The following RHPN2 variants were observed in gnomAD, a reference collection of about 807,000 sequenced individuals.
The protein encoded by RHPN2 is rhophilin Rho GTPase binding protein 2, also known as rhophilin-2.
Under a neutral mutation model 79.0 loss-of-function variants are expected in RHPN2, and 40 were observed. That is an observed-to-expected ratio of 0.51 (90% confidence interval 0.39 to 0.66). The LOEUF is 0.66. RHPN2 is among the 30% of genes least tolerant of loss of function. RHPN2 has a pLI of 0.00. For synonymous variants in RHPN2, 285 were observed against 363.5 expected, an observed-to-expected ratio of 0.78 and a Z score of 2.46; for missense variants, 686 against 883.5, an observed-to-expected ratio of 0.78 and a Z score of 2.83.
At position 33,059,302 on chromosome 19, in the gene RHPN2, A is replaced by T. The variant is rs1433920405; in HGVS notation, c.69+5482T>A. On this transcript the variant is annotated intron_variant, in intron 1 of 14. Transcript: ENST00000254260. ...TTCACTTTTGTTTTTTTCTTTTATC[A>T]TTTTTTTTTTTTTTGAGACGGAGTC... 1.4e-3 allele frequency among the ~76,000 whole-genome samples: 190 copies of T among 136,872 alleles called. 1 individual carries two copies. The highest frequency in any genetic ancestry group is 4.6e-3 in the African/African-American group (170 of 36,960). 89.8% of individuals were successfully genotyped at this position (136,872 alleles called of 152,430 possible).
chr19:33,038,492 G>A (rs1464071015), intron 2 of RHPN2, among the ~76,000 whole-genome samples: 3 of 152,024 alleles, frequency 2.0e-5, no homozygotes, highest in East Asian at 3.9e-4. Context: ...TATTATTTAT[G>A]TATTTATTTA....
chr19:33,016,186 T>C (rs1413779685), intron 4 of RHPN2, among the ~76,000 whole-genome samples: 6 of 152,124 alleles, frequency 3.9e-5, no homozygotes, highest in Non-Finnish European at 8.8e-5. Flanking sequence ...ACAGATGTTA[T>C]TTCATTTTCT....
At chr19:33,058,867 T>G (rs1972255839) in intron 1 of RHPN2, among the ~76,000 whole-genome samples, 1 of 151,946 alleles carries the variant, frequency 6.6e-6, no homozygotes, top group East Asian at 1.9e-4. Context: ...GAGGCCAAGG[T>G]GGGTGGATCA....
chr19:32,982,664 G>A (rs567224308), intron 14 of RHPN2, among the ~76,000 whole-genome samples: 8 of 151,998 alleles, frequency 5.3e-5, no homozygotes, highest in Admixed American at 1.3e-4. Flanking sequence ...AAAGTCCATT[G>A]TGTATCAAAA....
chr19:33,008,516 T>G (rs1971811967), intron 6 of RHPN2, among the ~76,000 whole-genome samples: 1 of 151,964 alleles, frequency 6.6e-6, no homozygotes, highest in Non-Finnish European at 1.5e-5. Flanking sequence ...ACGCCTGTAA[T>G]GCCAGCACTT....
At position 33,010,946 on chromosome 19, in the gene RHPN2, G is replaced by A. The variant is rs141206509; in HGVS notation, c.593+733C>T. ...GATCTGCCTGCCTCGGCCTCCCAAA[G>A]TGTTGGCATTACAGGTGTGAGCCAC... On this transcript the variant is annotated intron_variant, in intron 6 of 14. Coordinates refer to ENST00000254260, the MANE Select transcript of RHPN2 (RefSeq NM_033103.5). Among the ~76,000 whole-genome samples, 18 of 152,284 alleles carry A rather than the reference G, an allele frequency of 1.2e-4. No homozygotes were observed. The East Asian group carries it at 3.5e-3, about 29-fold the overall frequency.
At chr19:32,998,661 AAAAGGAAAGAGG>A (rs1971722532) in intron 10 of RHPN2, among the ~76,000 whole-genome samples, 1 of 149,660 alleles carries the variant, frequency 6.7e-6, no homozygotes, top group Admixed American at 6.8e-5. Context: ...CAAATGAAAG[AAAAGGAAAGAGG>A]AAAGGAGGGA....
chr19:33,016,208 GA>G (rs1971876209), intron 4 of RHPN2, among the ~76,000 whole-genome samples: 1 of 151,382 alleles, frequency 6.6e-6, no homozygotes, highest in African/African-American at 2.4e-5. Context: ...TCATTGATTC[GA>G]AATTTTTTTT....
chr19:33,033,754 C>G (rs200035565), intron 2 of RHPN2, among the ~76,000 whole-genome samples: 1 of 98,174 alleles, frequency 1.0e-5, no homozygotes, highest in Non-Finnish European at 1.9e-5. Flanking sequence ...TGTAATCCCA[C>G]TACTTGGAAG....
At chr19:33,016,855 C>A (rs536319000) in intron 4 of RHPN2, among the ~76,000 whole-genome samples, 1 of 152,178 alleles carries the variant, frequency 6.6e-6, no homozygotes, top group Admixed American at 6.6e-5. Flanking sequence ...GGAAAAAATA[C>A]AACAGAAAGT....
intron 9 of RHPN2, among the ~76,000 whole-genome samples, chr19:33,000,381 C>T (rs888368419): frequency 2.5e-4 from 38 of 151,878 alleles, no homozygotes; most frequent in African/African-American, 8.7e-4. Flanking sequence ...CCACCATGCC[C>T]GGCTAATTTT....
At chr19:33,011,641 TAA>T in intron 6 of RHPN2, 36 bp downstream of exon 6, 1 of 1,613,688 alleles carries the variant, frequency 6.2e-7, no homozygotes, top group Non-Finnish European at 8.5e-7. Context: ...GTGGCTGCCA[TAA>T]CACGTGAAGC....
intron 7 of RHPN2, among the ~76,000 whole-genome samples, chr19:33,004,519 T>G (rs983388868): frequency 6.6e-6 from 1 of 152,056 alleles, no homozygotes; most frequent in African/African-American, 2.4e-5. Flanking sequence ...AATGGTAATT[T>G]TATGTTCTGT....
intron 14 of RHPN2, among the ~76,000 whole-genome samples, chr19:32,989,036 G>T (rs1971632943): frequency 2.0e-5 from 3 of 152,082 alleles, no homozygotes; most frequent in Non-Finnish European, 1.5e-5. Flanking sequence ...GAAGGTCGAG[G>T]GTACATCATT....
At chr19:33,064,687 T>C (rs1972312154) in intron 1 of RHPN2, 97 bp downstream of exon 1, 3 of 1,314,302 alleles carry the variant, frequency 2.3e-6, no homozygotes, top group Non-Finnish European at 3.1e-6. Context: ...CCCGGCCTAG[T>C]GGACCCCGAC....
rs967152570 is a variant in RHPN2, at chr19:33,064,876, C to T, written c.-24G>A. The T allele has an allele frequency of 2.0e-5, 30 of 1,476,510 alleles. No individual in the cohort carries two copies. The highest frequency in any genetic ancestry group is 2.5e-5 in the Non-Finnish European group (28 of 1,117,990). The allele number at this position is 1,476,510 out of a possible 1,614,324, so 91.5% of individuals were successfully genotyped here. On this transcript the variant is annotated 5_prime_UTR_variant, in exon 1 of 15. Transcript: ENST00000254260. ...ATGCTAGCGGCGCGGGCGCGGAGGG[C>T]GGACGGCGGACTGAGGCGCGGCGGC... is the stretch of plus-strand genomic sequence containing the variant.
intron 1 of RHPN2, among the ~76,000 whole-genome samples, chr19:33,055,724 C>T (rs1403380449): frequency 1.7e-5 from 2 of 119,580 alleles, no homozygotes; most frequent in African/African-American, 8.9e-5. Flanking sequence ...CTGCAAGGAG[C>T]TTCTGGGTTA....
intron 14 of RHPN2, among the ~76,000 whole-genome samples, chr19:32,981,966 C>T (rs1971578729): frequency 6.6e-6 from 1 of 152,188 alleles, no homozygotes; most frequent in Middle Eastern, 3.4e-3. Flanking sequence ...TGAAGACTTC[C>T]ACATGGGCTA....
At chr19:33,048,236 A>G (rs896021132) in intron 1 of RHPN2, among the ~76,000 whole-genome samples, 1 of 151,646 alleles carries the variant, frequency 6.6e-6, no homozygotes, top group Non-Finnish European at 1.5e-5. Flanking sequence ...TTCTATTTTT[A>G]GTAGAGATGG....
Sources: gnomAD v4.1 joint callset for allele counts (sites outside exome capture counted in the v4.1 genomes callset) on GRCh38, gnomAD v4.1.1 for gene constraint, MANE v1.5 for transcripts, NCBI Gene and HGNC (gene_info 2026-07-23, HGNC 2026-07-21) for gene names.